LPP: variants seen among roughly 807,000 people sequenced by gnomAD.
The protein encoded by LPP is lipoma-preferred partner.
Under a neutral mutation model 60.4 loss-of-function variants are expected in LPP, and 38 were observed. That is an observed-to-expected ratio of 0.63 (90% confidence interval 0.49 to 0.83). The LOEUF is 0.83. Among genes scored for constraint, LPP ranks in the 40% least tolerant of loss-of-function variants. LPP has a pLI of 0.00. For synonymous variants in LPP, 328 were observed against 290.8 expected (o/e 1.13, Z -1.30); for missense variants, 902 against 783.6 (o/e 1.15, Z -1.80).
intron 4 of LPP, among the ~76,000 whole-genome samples, chr3:188,424,686 T>C (rs1295625350): frequency 2.6e-5 from 4 of 152,152 alleles, no homozygotes; most frequent in Admixed American, 2.0e-4. Flanking sequence ...TAAGTCGTAT[T>C]CCTAGGTATT....
At chr3:188,295,095 T>C (rs1419749343) in intron 2 of LPP, among the ~76,000 whole-genome samples, 1 of 152,188 alleles carries the variant, frequency 6.6e-6, no homozygotes, top group Non-Finnish European at 1.5e-5. Context: ...GTGTAGAGGC[T>C]GAAGGAGAGC....
At chr3:188,222,918 TAA>T (rs539689238) in intron 1 of LPP, among the ~76,000 whole-genome samples, 1 of 152,006 alleles carries the variant, frequency 6.6e-6, no homozygotes, top group African/African-American at 2.4e-5. Context: ...TATATTTTCT[TAA>T]AAAAAATACA....
At chr3:188,650,977 C>T (rs1350749109) in intron 7 of LPP, among the ~76,000 whole-genome samples, 2 of 152,042 alleles carry the variant, frequency 1.3e-5, no homozygotes, top group African/African-American at 4.8e-5. Flanking sequence ...AGGCTTGACC[C>T]TCTATAAAAA....
rs117607758 is a variant in LPP, at chr3:188,857,888, A to G, written c.1411-8312A>G. On this transcript the variant is annotated intron_variant, in intron 9 of 11. Coordinates refer to ENST00000617246, the MANE Select transcript of LPP (RefSeq NM_001375462.1). ...TACATTAAATGATCAAAGGATGACA[A>G]GTTAATTGAATAAATGTCTTAGCCC... Among the ~76,000 whole-genome samples the G allele has an allele frequency of 4.1e-4, 62 of 152,328 alleles. No homozygotes were observed. The East Asian group carries it at 0.011, about 27-fold the overall frequency.
chr3:188,308,306 G>C (rs1380903002), intron 2 of LPP, among the ~76,000 whole-genome samples: 1 of 152,106 alleles, frequency 6.6e-6, no homozygotes, highest in Non-Finnish European at 1.5e-5. Flanking sequence ...AAGCTGTGGT[G>C]AAGTGGAATA....
chr3:188,261,907 A>G (rs1276318525), intron 2 of LPP, among the ~76,000 whole-genome samples: 1 of 152,178 alleles, frequency 6.6e-6, no homozygotes, highest in Non-Finnish European at 1.5e-5. Flanking sequence ...ACAGAGTGCA[A>G]CTCTGTCTAT....
In LPP at chr3:188,450,516, A is replaced by C. The variant is rs140747213; in HGVS notation, c.194-34076A>C. 4.0e-3 allele frequency among the ~76,000 whole-genome samples: 612 copies of C among 152,214 alleles called. 5 individuals carry two copies. Among genetic ancestry groups the C allele is most frequent in the African/African-American group, 0.014 (562 of 41,544 alleles). ...TCCTAGCACTTTGGGAGGCCGAGGC[A>C]GGTGGATCATCTGAGGTCATGAGTT... On this transcript the variant is annotated intron_variant, in intron 4 of 11. Transcript: ENST00000617246.
intron 8 of LPP, among the ~76,000 whole-genome samples, chr3:188,718,167 G>A (rs1182671762): frequency 2.0e-5 from 3 of 152,286 alleles, no homozygotes; most frequent in African/African-American, 7.2e-5. Flanking sequence ...CAGACTTAGA[G>A]TAAAGAAGAA....
At chr3:188,374,393 G>C (rs1342294599) in intron 3 of LPP, among the ~76,000 whole-genome samples, 1 of 151,996 alleles carries the variant, frequency 6.6e-6, no homozygotes. Context: ...TTGAGCAGTG[G>C]TTTGTAGTTC....
chr3:188,455,816 T>A (rs925014155), intron 4 of LPP, among the ~76,000 whole-genome samples: 4 of 152,204 alleles, frequency 2.6e-5, no homozygotes, highest in African/African-American at 9.7e-5. Flanking sequence ...AGAACTGTAA[T>A]TGTCAAATGT....
chr3:188,389,791 A>AAT (rs1430786469), intron 3 of LPP, among the ~76,000 whole-genome samples: 3 of 145,100 alleles, frequency 2.1e-5, no homozygotes, highest in Non-Finnish European at 4.5e-5. Flanking sequence ...AAAAAAAAAA[A>AAT]AAATGGGACT....
intron 8 of LPP, among the ~76,000 whole-genome samples, chr3:188,746,159 C>A (rs1388692655): frequency 6.6e-6 from 1 of 152,126 alleles, no homozygotes; most frequent in Admixed American, 6.6e-5. Flanking sequence ...TATTTATAGA[C>A]CATCATTATG....
intron 6 of LPP, among the ~76,000 whole-genome samples, chr3:188,556,035 C>A (rs1829386052): frequency 6.6e-6 from 1 of 152,096 alleles, no homozygotes; most frequent in African/African-American, 2.4e-5. Context: ...GAAAAATGTG[C>A]TTCAAGAGTG....
At chr3:188,466,841 A>ATATATATATATAT in intron 4 of LPP, among the ~76,000 whole-genome samples, 5 of 138,162 alleles carry the variant, frequency 3.6e-5, no homozygotes, top group African/African-American at 5.4e-5. Context: ...ATATATATAT[A>ATATATATATATAT]TGCTGTGTAA....
chr3:188,717,290 G>A (rs1264116339), intron 8 of LPP, among the ~76,000 whole-genome samples: 2 of 152,234 alleles, frequency 1.3e-5, no homozygotes, highest in African/African-American at 4.8e-5. Context: ...TTTTTAATCT[G>A]TATAAGGAAC....
chr3:188,464,849 C>T (rs911731049), intron 4 of LPP, among the ~76,000 whole-genome samples: 1 of 151,498 alleles, frequency 6.6e-6, no homozygotes, highest in Admixed American at 6.6e-5. Context: ...ATATTTACAC[C>T]CCATTTGGTT....
intron 1 of LPP, among the ~76,000 whole-genome samples, chr3:188,154,535 G>A (rs1034411012): frequency 6.6e-6 from 1 of 152,190 alleles, no homozygotes; most frequent in African/African-American, 2.4e-5. Flanking sequence ...CCCAGGGGGC[G>A]GGGCCACGCC....
intron 8 of LPP, among the ~76,000 whole-genome samples, chr3:188,740,397 C>A (rs1724003828): frequency 6.6e-6 from 1 of 152,036 alleles, no homozygotes; most frequent in South Asian, 2.1e-4. Flanking sequence ...CATACCTATC[C>A]AAGCCCAATA....
At chr3:188,787,775 C>T (rs4082870) in intron 9 of LPP, among the ~76,000 whole-genome samples, 97,204 of 152,082 alleles carry the variant, frequency 0.64, 31,483 homozygotes, top group East Asian at 0.9. Context: ...CCCTAATCTC[C>T]CTTCTTGTCT....
Sources: allele counts gnomAD v4.1 joint callset (sites outside exome capture counted in the v4.1 genomes callset), GRCh38; gene constraint gnomAD v4.1.1; transcripts MANE v1.5; gene names NCBI Gene and HGNC (gene_info 2026-07-23, HGNC 2026-07-21).